EIF2AK3: variants seen among roughly 807,000 people sequenced by gnomAD.
The protein encoded by EIF2AK3 is eukaryotic translation initiation factor 2 alpha kinase 3.
Under a neutral mutation model 113.5 loss-of-function variants are expected in EIF2AK3, and 50 were observed. The ratio of observed to expected loss-of-function variants is 0.44; its 90% CI spans 0.35 to 0.56. The LOEUF (loss-of-function observed/expected upper bound fraction) is 0.56, where lower values mean the gene tolerates loss of function less well. Ranked by LOEUF, EIF2AK3 falls within the 20% of genes least tolerant of loss-of-function variation. EIF2AK3 has a pLI of 0.00. For synonymous variants in EIF2AK3, 448 were observed against 495.4 expected, an observed-to-expected ratio of 0.90 and a Z score of 1.27; for missense variants, 1,185 against 1,378.0, an observed-to-expected ratio of 0.86 and a Z score of 2.22.
In EIF2AK3 at chr2:88,559,022, T is replaced by C. The variant is rs770494712; in HGVS notation, c.3088-43A>G. The C allele has an allele frequency of 7.4e-6, 10 of 1,352,136 alleles. No individual in the cohort carries two copies. The South Asian group carries it at 1.1e-4, about 15-fold the overall frequency. The allele number at this position is 1,352,136 out of a possible 1,614,324, so 83.8% of individuals were successfully genotyped here. A position where few individuals can be genotyped will look rare whatever the true frequency, so the allele number is the denominator to read the frequency against. ...ATCACTTATTAAGTTTATTTTGACATACAACATGAAAATATTTTTTGATAC... is the reference window on the plus strand; with the variant it reads ...ATCACTTATTAAGTTTATTTTGACACACAACATGAAAATATTTTTTGATAC... On this transcript the variant is annotated intron_variant, in intron 15 of 16. Transcript: ENST00000303236.
At chr2:88,574,174 G>C (rs967456158) in intron 13 of EIF2AK3, among the ~76,000 whole-genome samples, 2 of 152,082 alleles carry the variant, frequency 1.3e-5, no homozygotes, top group African/African-American at 4.8e-5. Flanking sequence ...AGAAAAAGAA[G>C]CAAAAGTGTG....
chr2:88,575,575 C>T (rs1216790392), intron 12 of EIF2AK3, 129 bp from the exon 13 acceptor site: 1 of 936,008 alleles, frequency 1.1e-6, no homozygotes, highest in Non-Finnish European at 1.7e-6. Flanking sequence ...AAACAACATA[C>T]AAACTAAATA....
At chr2:88,599,867 C>G (rs534560888) in intron 2 of EIF2AK3, among the ~76,000 whole-genome samples, 5 of 152,266 alleles carry the variant, frequency 3.3e-5, no homozygotes, top group African/African-American at 1.2e-4. Context: ...TAAGGATGGT[C>G]TCTGCAACTC....
intron 4 of EIF2AK3, among the ~76,000 whole-genome samples, chr2:88,592,147 A>T (rs1674901823): frequency 6.6e-6 from 1 of 152,002 alleles, no homozygotes; most frequent in African/African-American, 2.4e-5. Flanking sequence ...TATTAGGTTT[A>T]AAAAAAATCA....
chr2:88,568,744 T>G (rs1472649491), intron 14 of EIF2AK3, among the ~76,000 whole-genome samples: 1 of 152,266 alleles, frequency 6.6e-6, no homozygotes, highest in East Asian at 1.9e-4. Context: ...CCTGCTGATG[T>G]AAGCATAGAT....
intron 1 of EIF2AK3, among the ~76,000 whole-genome samples, chr2:88,622,523 C>T: frequency 6.6e-6 from 1 of 152,218 alleles, no homozygotes; most frequent in East Asian, 1.9e-4. Context: ...TCTCCCATCC[C>T]TGTCCACATA....
chr2:88,562,308 G>A lies in EIF2AK3; in HGVS notation c.3068C>T (p.Thr1023Ile). Residue 1023 changes from threonine to isoleucine, a missense_variant, in exon 15 of 17, where the codon ACT becomes ATT. Around this residue, in one of 3 missense-constraint regions of EIF2AK3, gnomAD observed 877 missense variants for 1,024.2 expected, o/e 0.86. Transcript: ENST00000303236. ...ILFELLYPFS[T>I]QMERVRTLTD... Reference sequence around the variant, plus strand: ...ACTTACCCTGACTCTCTCCATCTGAGTGCTGAATGGATACAGCAATTCAAA... The same window carrying A: ...ACTTACCCTGACTCTCTCCATCTGAATGCTGAATGGATACAGCAATTCAAA... 6.2e-7 allele frequency: 1 copy of A among 1,613,464 alleles called. No individual in the cohort carries two copies. The highest frequency in any genetic ancestry group is 8.5e-7 in the Non-Finnish European group (1 of 1,179,484).
At chr2:88,583,281 T>C in intron 10 of EIF2AK3, 149 bp downstream of exon 10, 1 of 629,982 alleles carries the variant, frequency 1.6e-6, no homozygotes, top group South Asian at 2.0e-5. Context: ...CCACTTTTAA[T>C]ACATTTAAGT....
intron 13 of EIF2AK3, 142 bp downstream of exon 13, chr2:88,574,524 C>A (rs1248397398): frequency 2.9e-6 from 3 of 1,020,380 alleles, no homozygotes; most frequent in Non-Finnish European, 4.3e-6. Flanking sequence ...CAGGCCCCTT[C>A]GAGGCTACTT....
At chr2:88,621,722 TAACA>T (rs1675729659) in intron 1 of EIF2AK3, among the ~76,000 whole-genome samples, 1 of 152,136 alleles carries the variant, frequency 6.6e-6, no homozygotes, top group African/African-American at 2.4e-5. Context: ...CCCCAAATCA[TAACA>T]AATATATCAA....
Position 88,557,098 on chromosome 2 carries a change from A to C in EIF2AK3, c.*638T>G, listed in dbSNP as rs1673798357. On this transcript the variant is annotated 3_prime_UTR_variant, in exon 17 of 17. Transcript: ENST00000303236. ...AGACCTTTCAACCAATTTACATAAA[A>C]AGCTTCATTTTCCCTTTATTGGAGG... 2 of 152,678 alleles carry C rather than the reference A, an allele frequency of 1.3e-5. No homozygotes were observed. The highest frequency in any genetic ancestry group is 4.8e-5 in the African/African-American group (2 of 41,442). The allele number at this position is 152,678 out of a possible 1,614,324, so 9.5% of individuals were successfully genotyped here. A position where few individuals can be genotyped will look rare whatever the true frequency, so the allele number is the denominator to read the frequency against.
At chr2:88,607,621 T>A (rs1384381282) in intron 2 of EIF2AK3, among the ~76,000 whole-genome samples, 3 of 152,198 alleles carry the variant, frequency 2.0e-5, no homozygotes, top group Non-Finnish European at 4.4e-5. Flanking sequence ...TCCCTTATCT[T>A]CCAGGAGCTT....
Position 88,575,462 on chromosome 2 carries a change from A to C in EIF2AK3, c.2037-16T>G. The stretch of plus-strand genomic sequence containing the variant: ...CCAGTCTGTGCTAAAAGTGGGAGAA[A>C]TACAAAGGGGTAAGAGTGAATATAT... On this transcript the variant is annotated splice_polypyrimidine_tract_variant and intron_variant, in intron 12 of 16. Transcript: ENST00000303236. 5 of 1,602,752 alleles carry C rather than the reference A, an allele frequency of 3.1e-6. No individual in the cohort carries two copies. Among genetic ancestry groups the C allele is most frequent in the Non-Finnish European group, 4.2e-6 (5 of 1,179,808 alleles).
intron 1 of EIF2AK3, among the ~76,000 whole-genome samples, chr2:88,622,274 C>T (rs1558666581): frequency 6.6e-6 from 1 of 152,240 alleles, no homozygotes; most frequent in Non-Finnish European, 1.5e-5. Context: ...CCTCCCCTCA[C>T]ATTTAGCTCT....
intron 10 of EIF2AK3, among the ~76,000 whole-genome samples, chr2:88,581,329 C>T (rs1225743842): frequency 6.6e-6 from 1 of 151,936 alleles, no homozygotes; most frequent in East Asian, 1.9e-4. Flanking sequence ...AAAAGCCTGA[C>T]AAATACATCT....
intron 1 of EIF2AK3, among the ~76,000 whole-genome samples, chr2:88,616,240 A>T (rs1470728887): frequency 6.6e-6 from 1 of 151,928 alleles, no homozygotes; most frequent in Non-Finnish European, 1.5e-5. Flanking sequence ...TACATACCTA[A>T]CCACCTACCT....
At position 88,625,772 on chromosome 2, in the gene EIF2AK3, T is replaced by C. The variant is rs369224475; in HGVS notation, c.308+1195A>G. 1.2e-4 allele frequency among the ~76,000 whole-genome samples: 18 copies of C among 152,282 alleles called. No individual in the cohort carries two copies. The East Asian group carries it at 2.3e-3, about 20-fold the overall frequency. ...CATTTTGAGCAGGAGCTTCAGAAAT[T>C]TATGATAAACAAAAACACTCTTCCA... On this transcript the variant is annotated intron_variant, in intron 1 of 16. Transcript: ENST00000303236.
chr2:88,573,025 C>G (rs1410317954), intron 13 of EIF2AK3, among the ~76,000 whole-genome samples: 2 of 151,282 alleles, frequency 1.3e-5, no homozygotes, highest in Non-Finnish European at 2.9e-5. Flanking sequence ...GGGAGAGGGC[C>G]TAGAAGGTTT....
At chr2:88,601,472 T>C (rs1558659147) in intron 2 of EIF2AK3, among the ~76,000 whole-genome samples, 2 of 152,318 alleles carry the variant, frequency 1.3e-5, no homozygotes, top group East Asian at 1.9e-4. Context: ...AAAAGTTTTA[T>C]TGGAACACAG....
Sources: gnomAD v4.1 joint callset for allele counts (sites outside exome capture counted in the v4.1 genomes callset) on GRCh38, gnomAD v4.1.1 for gene constraint, gnomAD v4.1.1 regional missense constraint, MANE v1.5 for transcripts, NCBI Gene and HGNC (gene_info 2026-07-23, HGNC 2026-07-21) for gene names.